Variants in HUWE1 observed in about 807,000 individuals in gnomAD.
HUWE1 encodes the protein E3 ubiquitin-protein ligase HUWE1.
HUWE1 carries 18 observed loss-of-function variants against 299.4 expected under a neutral mutation model. That is an observed-to-expected ratio of 0.06 (90% CI 0.04 to 0.09). The LOEUF (loss-of-function observed/expected upper bound fraction) is 0.09. Among genes scored for constraint, HUWE1 ranks in the 10% least tolerant of loss-of-function variants. The pLI, the probability that HUWE1 is intolerant of heterozygous loss-of-function variation, is 1.00. For missense variants in HUWE1, 1,832 were observed against 3,462.3 expected (o/e 0.53, Z 11.82); for synonymous variants, 1,317 against 1,286.1 (o/e 1.02, Z -0.51).
At chrX:53,661,409 T>C (rs2068999838) in intron 3 of HUWE1, among the ~76,000 whole-genome samples, 1 of 111,695 alleles carries the variant, frequency 9.0e-6, no homozygotes, top group Non-Finnish European at 1.9e-5. Flanking sequence ...CAGATTCTTC[T>C]AGACTGCTGA....
At chrX:53,679,349 T>C (rs2070005720) in intron 3 of HUWE1, among the ~76,000 whole-genome samples, 1 of 112,502 alleles carries the variant, frequency 8.9e-6, no homozygotes, top group Admixed American at 9.4e-5. Context: ...TTTTTAAATA[T>C]CTGTTAATTT....
intron 23 of HUWE1, among the ~76,000 whole-genome samples, chrX:53,611,204 A>G (rs1282057912): frequency 8.2e-5 from 9 of 109,352 alleles, no homozygotes; most frequent in Non-Finnish European, 1.5e-4. Context: ...AAAAAAAAAA[A>G]AAAAAGAAAG....
chrX:53,646,234 T>C (rs2068035528), intron 6 of HUWE1, among the ~76,000 whole-genome samples: 1 of 110,695 alleles, frequency 9.0e-6, no homozygotes, highest in East Asian at 2.8e-4. Flanking sequence ...CATAGCTCCC[T>C]GCAGCCTTGA....
At chrX:53,545,759 C>T (rs1455381083) in intron 70 of HUWE1, among the ~76,000 whole-genome samples, 3 of 111,134 alleles carry the variant, frequency 2.7e-5, no homozygotes, top group Non-Finnish European at 5.7e-5. Context: ...ACTCTCCTAT[C>T]ACCCCAGACT....
chrX:53,684,136 T>C, intron 2 of HUWE1: 1 of 251,241 alleles, frequency 4.0e-6, no homozygotes, highest in Non-Finnish European at 7.2e-6. Context: ...GAAAAGCAAA[T>C]GACGCACAAC....
chrX:53,652,876 CATT>C (rs1175716202), intron 4 of HUWE1, among the ~76,000 whole-genome samples: 2 of 112,635 alleles, frequency 1.8e-5, no homozygotes, highest in Non-Finnish European at 3.7e-5. Context: ...TGCTCATACT[CATT>C]AGTACAATGC....
Position 53,648,262 on chromosome X carries a change from C to G in HUWE1, c.94G>C (p.Glu32Gln), listed in dbSNP as rs2149288070. The change falls in exon 5 of 84, where the codon GAG becomes CAG. Residue 32 changes from glutamate (E) to glutamine (Q), a missense_variant. By Grantham distance (29) the Glu-to-Gln change is conservative (BLOSUM62 2). Around this residue, in one of 15 missense-constraint regions of HUWE1, gnomAD observed 658 missense variants for 1,282.6 expected, o/e 0.51. Transcript: ENST00000262854. ...LIDKLKVCND[E>Q]QLLLELQQIK... is the part of the protein sequence containing the mutation. ...TGCTGCAGTTCCAAGAGAAGTTGCT[C>G]ATCATTACAAACTTTGAGTTTGTCT... The G allele has an allele frequency of 8.3e-7, 1 of 1,205,066 alleles. No homozygotes were observed.
intron 3 of HUWE1, among the ~76,000 whole-genome samples, chrX:53,670,837 C>T (rs1025720782): frequency 1.8e-5 from 2 of 111,355 alleles, no homozygotes; most frequent in Non-Finnish European, 3.8e-5. Context: ...TATACGTGTA[C>T]GTACGTATAT....
rs782591385 is a variant in HUWE1 at position 53,538,381 on chromosome X, G to C, written c.11952C>G (p.Val3984=). The C allele has an allele frequency of 7.5e-6, 9 of 1,207,086 alleles. No homozygotes were observed. In the African/African-American group the frequency reaches 1.2e-4, roughly 16 times the overall value. The change falls in exon 77 of 84, where the codon GTC becomes GTG. Residue 3984 remains valine (V), a synonymous_variant. Transcript: ENST00000262854. ...TTHLADGPFA[V]LVDYIRVLDF... ...CGAGGACACGAATGTAGTCTACCAGGACAGCAAAAGGCCCATCAGCAAGGT... is the reference window on the plus strand; with the variant it reads ...CGAGGACACGAATGTAGTCTACCAGCACAGCAAAAGGCCCATCAGCAAGGT...
intron 3 of HUWE1, among the ~76,000 whole-genome samples, chrX:53,666,532 C>T (rs899833748): frequency 9.0e-6 from 1 of 111,358 alleles, no homozygotes; most frequent in South Asian, 3.7e-4. Flanking sequence ...TCCATTCTAT[C>T]CTCCACATTG....
chrX:53,659,182 T>C (rs1557044223), intron 3 of HUWE1, among the ~76,000 whole-genome samples: 1 of 112,445 alleles, frequency 8.9e-6, no homozygotes, highest in Non-Finnish European at 1.9e-5. Flanking sequence ...GACCCAGCAA[T>C]CAATACTCCC....
chrX:53,575,584 A>T, intron 45 of HUWE1, 59 bp downstream of exon 45: 1 of 1,097,301 alleles, frequency 9.1e-7, no homozygotes, highest in Non-Finnish European at 1.3e-6. Context: ...CTAAATACTG[A>T]GACCACACAG....
At chrX:53,647,242 T>C in intron 6 of HUWE1, 126 bp downstream of exon 6, 1 of 538,164 alleles carries the variant, frequency 1.9e-6, no homozygotes, top group Non-Finnish European at 3.3e-6. Context: ...ACTATTATCT[T>C]TGACAATGAA....
intron 23 of HUWE1, among the ~76,000 whole-genome samples, chrX:53,612,206 C>A (rs907992689): frequency 1.6e-4 from 18 of 111,813 alleles, no homozygotes; most frequent in African/African-American, 5.9e-4. Flanking sequence ...TACTTAGTGA[C>A]CCAATCTAGG....
In HUWE1 at chrX:53,583,654, G is replaced by A. The variant is rs1556970144; in HGVS notation, c.5424C>T (p.Thr1808=). Residue 1808 remains threonine, a synonymous_variant, in exon 42 of 84, where the codon ACC becomes ACT. Transcript: ENST00000262854. ...LKSTRMILNL[T]QSSGFNGFTP... ...TAAACCCATTGAAGCCTGAGCTCTGGGTCAAATTCAAGATCATGCGGGTAC... is the reference window on the plus strand; with the variant it reads ...TAAACCCATTGAAGCCTGAGCTCTGAGTCAAATTCAAGATCATGCGGGTAC... 5.0e-6 allele frequency: 6 copies of A among 1,210,847 alleles called. No individual in the cohort carries two copies. In the South Asian group the frequency reaches 8.8e-5, roughly 18 times the overall value.
rs1556916865 is a variant in HUWE1, at chrX:53,539,794, T to C, written c.11495A>G (p.Gln3832Arg). Residue 3832 changes from glutamine to arginine, a missense_variant, in exon 75 of 84, where the codon CAG (glutamine) becomes CGG (arginine). Physicochemically the swap from Gln to Arg is conservative, Grantham distance 43. Around this residue, in one of 15 missense-constraint regions of HUWE1, gnomAD observed 27 missense variants for 21.1 expected, o/e 1.28. Coordinates refer to ENST00000262854, the MANE Select transcript of HUWE1 (RefSeq NM_031407.7). Reference protein sequence around the residue: ...TQSIASDGTPQGEKEKEERPP... With the variant: ...TQSIASDGTPRGEKEKEERPP... ...TCTTTCTTCCTTTTCCTTCTCCCCCTGTGGGGTTCCATCGGAGGCTGGAGG... is the reference window on the plus strand; with the variant it reads ...TCTTTCTTCCTTTTCCTTCTCCCCCCGTGGGGTTCCATCGGAGGCTGGAGG... 1 of 1,210,185 alleles carries C rather than the reference T, an allele frequency of 8.3e-7. No homozygotes were observed. Among genetic ancestry groups the C allele is most frequent in the Admixed American group, 2.2e-5 (1 of 45,920 alleles).
At chrX:53,539,568 G>C (rs967934008) in intron 75 of HUWE1, 89 bp downstream of exon 75, 21 of 933,241 alleles carry the variant, frequency 2.3e-5, no homozygotes, top group African/African-American at 1.7e-4. Flanking sequence ...AGGGAGAGGA[G>C]TAACCTGGAA....
At chrX:53,564,478 G>A (rs1033133471) in intron 51 of HUWE1, 96 bp downstream of exon 51, 29 of 1,000,017 alleles carry the variant, frequency 2.9e-5, no homozygotes, top group Non-Finnish European at 3.6e-5. Context: ...AGCCAGCATT[G>A]AGGCAAGGAT....
At chrX:53,657,239 CT>C (rs1557043374) in intron 3 of HUWE1, among the ~76,000 whole-genome samples, 1 of 112,381 alleles carries the variant, frequency 8.9e-6, no homozygotes, top group African/African-American at 3.2e-5. Flanking sequence ...CAACTAATAT[CT>C]TAATGGTCAG....
Sources: allele counts gnomAD v4.1 joint callset (sites outside exome capture counted in the v4.1 genomes callset), GRCh38; gene constraint gnomAD v4.1.1; regional missense constraint gnomAD v4.1.1; transcripts MANE v1.5; gene names NCBI Gene and HGNC (gene_info 2026-07-23, HGNC 2026-07-21).